Variants in LDB2 observed in about 807,000 individuals in gnomAD.
LDB2 encodes the protein LIM domain-binding protein 2.
A neutral mutation model predicts 44.3 loss-of-function variants in LDB2; 12 were observed. The observed-to-expected ratio is 0.27, with a 90% CI of 0.17 to 0.44. LDB2 has a LOEUF of 0.44. LDB2 is among the 20% of genes least tolerant of loss of function. The pLI is 1.00. For missense variants in LDB2, 344 were observed against 473.5 expected (o/e 0.73, Z 2.54); for synonymous variants, 164 against 174.8 (o/e 0.94, Z 0.49).
chr4:16,700,280 A>C (rs1467834050), intron 2 of LDB2, among the ~76,000 whole-genome samples: 4 of 152,174 alleles, frequency 2.6e-5, no homozygotes, highest in Non-Finnish European at 1.5e-5. Flanking sequence ...AATTCTAATA[A>C]ATGGTCAACT....
intron 1 of LDB2, among the ~76,000 whole-genome samples, chr4:16,890,352 G>T (rs140263690): frequency 2.2e-4 from 34 of 151,494 alleles, no homozygotes; most frequent in Non-Finnish European, 4.0e-4. Context: ...AAGATGGAAA[G>T]GGGGGGCACG....
At chr4:16,638,472 T>C (rs1734220040) in intron 2 of LDB2, among the ~76,000 whole-genome samples, 1 of 152,200 alleles carries the variant, frequency 6.6e-6, no homozygotes, top group African/African-American at 2.4e-5. Flanking sequence ...CTCAGATTGC[T>C]TGGAGAGCAG....
At chr4:16,689,298 C>A (rs1228109965) in intron 2 of LDB2, among the ~76,000 whole-genome samples, 1 of 152,200 alleles carries the variant, frequency 6.6e-6, no homozygotes, top group Non-Finnish European at 1.5e-5. Flanking sequence ...TCTGCCAGTT[C>A]CTACCCTTGC....
intron 2 of LDB2, among the ~76,000 whole-genome samples, chr4:16,679,699 C>A (rs1397898012): frequency 6.6e-6 from 1 of 151,990 alleles, no homozygotes; most frequent in Non-Finnish European, 1.5e-5. Flanking sequence ...TCAGGGAAGG[C>A]CATGAGGAGA....
chr4:16,570,593 T>C (rs949350494), intron 5 of LDB2, among the ~76,000 whole-genome samples: 5 of 115,190 alleles, frequency 4.3e-5, no homozygotes, highest in Non-Finnish European at 9.1e-5. Flanking sequence ...TGATGAAAAA[T>C]ACTACAAAAA....
intron 1 of LDB2, among the ~76,000 whole-genome samples, chr4:16,808,074 A>G (rs1779117037): frequency 2.0e-5 from 3 of 152,198 alleles, no homozygotes; most frequent in African/African-American, 4.8e-5. Flanking sequence ...TACACACTCA[A>G]TATAGTGTGT....
At position 16,559,909 on chromosome 4, in the gene LDB2, AACTC is replaced by A. The variant is rs568890551; in HGVS notation, c.615+26009_615+26012del. Among the ~76,000 whole-genome samples the A allele has an allele frequency of 1.4e-3, 210 of 152,300 alleles. 1 individual carries two copies. Among genetic ancestry groups the A allele is most frequent in the South Asian group, 4.6e-3 (22 of 4,820 alleles). The stretch of plus-strand genomic sequence containing the variant: ...ATCAAACTAGAACTCAGGATTAAGA[AACTC>A]ACTCAAAACCGCTCAACTACATGGA... On this transcript the variant is annotated intron_variant, in intron 5 of 7. Transcript: ENST00000304523.
chr4:16,780,976 T>C (rs987623473), intron 1 of LDB2, among the ~76,000 whole-genome samples: 3 of 152,158 alleles, frequency 2.0e-5, no homozygotes, highest in Admixed American at 1.3e-4. Flanking sequence ...CTGAACCCCA[T>C]GTTTTGAATC....
chr4:16,884,779 G>A (rs1721158197), intron 1 of LDB2, among the ~76,000 whole-genome samples: 1 of 152,038 alleles, frequency 6.6e-6, no homozygotes, highest in African/African-American at 2.4e-5. Context: ...ACCCTTATAG[G>A]GTGCAGGCAT....
intron 2 of LDB2, among the ~76,000 whole-genome samples, chr4:16,624,737 C>T (rs1729824984): frequency 6.6e-6 from 1 of 152,182 alleles, no homozygotes; most frequent in East Asian, 1.9e-4. Flanking sequence ...ACCACCACCA[C>T]ACCTATCCAG....
intron 2 of LDB2, among the ~76,000 whole-genome samples, chr4:16,616,317 A>G (rs2152472334): frequency 6.6e-6 from 1 of 152,252 alleles, no homozygotes; most frequent in South Asian, 2.1e-4. Flanking sequence ...ATTATTATTA[A>G]CTTGCCATAA....
intron 2 of LDB2, among the ~76,000 whole-genome samples, chr4:16,598,119 G>A (rs548978797): frequency 8.5e-5 from 13 of 152,126 alleles, no homozygotes; most frequent in African/African-American, 3.1e-4. Context: ...CATGACAATG[G>A]TATTCACGCC....
chr4:16,844,281 A>G (rs1373373690), intron 1 of LDB2, among the ~76,000 whole-genome samples: 1 of 143,838 alleles, frequency 7.0e-6, no homozygotes, highest in African/African-American at 2.6e-5. Flanking sequence ...AAAAGGATCT[A>G]TCAATGGTGA....
At chr4:16,662,075 T>C (rs1741744534) in intron 2 of LDB2, among the ~76,000 whole-genome samples, 1 of 152,218 alleles carries the variant, frequency 6.6e-6, no homozygotes, top group Admixed American at 6.5e-5. Flanking sequence ...GGCAACTGAT[T>C]GCCAGAAAAC....
At chr4:16,855,342 CTGA>C (rs1263190600) in intron 1 of LDB2, among the ~76,000 whole-genome samples, 2 of 152,080 alleles carry the variant, frequency 1.3e-5, no homozygotes, top group African/African-American at 2.4e-5. Flanking sequence ...ACAAAATTCC[CTGA>C]TGAAGAAGTA....
At chr4:16,528,186 A>G (rs74953514) in intron 5 of LDB2, among the ~76,000 whole-genome samples, 3,730 of 152,198 alleles carry the variant, frequency 0.025, 148 homozygotes, top group African/African-American at 0.084. Flanking sequence ...AGAATGATAC[A>G]ATGGACTTTG....
intron 1 of LDB2, among the ~76,000 whole-genome samples, chr4:16,831,235 T>C (rs1349703291): frequency 6.6e-6 from 1 of 151,248 alleles, no homozygotes; most frequent in African/African-American, 2.4e-5. Flanking sequence ...TGAACTTCTT[T>C]TAGGAGTATA....
chr4:16,787,144 A>C (rs1189749004), intron 1 of LDB2, among the ~76,000 whole-genome samples: 1 of 152,198 alleles, frequency 6.6e-6, no homozygotes. Flanking sequence ...CAGGTGCTGA[A>C]GAGGCATTTA....
intron 1 of LDB2, among the ~76,000 whole-genome samples, chr4:16,820,739 C>T (rs1263719522): frequency 2.0e-5 from 3 of 151,912 alleles, no homozygotes; most frequent in African/African-American, 4.8e-5. Flanking sequence ...CCCTTTTGTT[C>T]CAAATTTTGA....
Sources: allele counts gnomAD v4.1 joint callset (sites outside exome capture counted in the v4.1 genomes callset), GRCh38; gene constraint gnomAD v4.1.1; transcripts MANE v1.5; gene names NCBI Gene and HGNC (gene_info 2026-07-23, HGNC 2026-07-21).